LINGO1: variants seen among roughly 807,000 people sequenced by gnomAD.
LINGO1 encodes the protein leucine rich repeat and Ig domain containing 1.
In LINGO1, 11 loss-of-function variants were observed where a neutral mutation model predicts 37.3. The observed-to-expected ratio is 0.29, with a 90% CI of 0.19 to 0.49. The LOEUF (loss-of-function observed/expected upper bound fraction) is 0.49. Ranked by LOEUF, LINGO1 falls within the 20% of genes least tolerant of loss-of-function variation. The probability of loss-of-function intolerance (pLI) is 0.99; values close to 1 mark genes in which losing one functional copy is unlikely to be tolerated. For synonymous variants in LINGO1, 387 were observed against 403.0 expected, an observed-to-expected ratio of 0.96 and a Z score of 0.48; for missense variants, 585 against 878.2, an observed-to-expected ratio of 0.67 and a Z score of 4.22.
chr15:77,768,318 G>A (rs376950749), intron 1 of LINGO1, among the ~76,000 whole-genome samples: 13 of 152,282 alleles, frequency 8.5e-5, no homozygotes, highest in African/African-American at 2.4e-4. Flanking sequence ...CCTGATTAGC[G>A]CCTCCTGAAG....
intron 1 of LINGO1, among the ~76,000 whole-genome samples, chr15:77,770,665 A>G (rs555617550): frequency 1.3e-5 from 2 of 151,220 alleles, no homozygotes; most frequent in African/African-American, 4.9e-5. Flanking sequence ...GCCTCACTCC[A>G]CGAAGAGGGG....
intron 1 of LINGO1, among the ~76,000 whole-genome samples, chr15:77,761,262 T>C (rs1010542002): frequency 2.6e-5 from 4 of 152,026 alleles, no homozygotes; most frequent in Admixed American, 2.6e-4. Flanking sequence ...ATCTTTCTAT[T>C]AAACCAAAAA....
chr15:77,748,162 T>TAGAAACCCA (rs2076333766), intron 1 of LINGO1, among the ~76,000 whole-genome samples: 1 of 152,106 alleles, frequency 6.6e-6, no homozygotes. Flanking sequence ...CCCCAGCGGG[T>TAGAAACCCA]GTGAACACCA....
intron 2 of LINGO1, among the ~76,000 whole-genome samples, chr15:77,685,691 T>TGAAA (rs370764060): frequency 7.3e-6 from 1 of 137,708 alleles, no homozygotes; most frequent in African/African-American, 2.7e-5. Flanking sequence ...GACCCCGTCT[T>TGAAA]AAAAAAAAAA....
chr15:77,684,399 GA>G (rs1407198807), intron 2 of LINGO1, among the ~76,000 whole-genome samples: 1 of 152,194 alleles, frequency 6.6e-6, no homozygotes, highest in Non-Finnish European at 1.5e-5. Flanking sequence ...GGGGTAAGTG[GA>G]CCTAGGCAGA....
Position 77,632,478 on chromosome 15 carries a change from G to C in LINGO1, c.-163C>G. The C allele has an allele frequency of 1.5e-6, 1 of 662,452 alleles. No homozygotes were observed. Among genetic ancestry groups the C allele is most frequent in the Middle Eastern group, 4.7e-4 (1 of 2,120 alleles). The allele number at this position is 662,452 out of a possible 1,614,324, so 41.0% of individuals were successfully genotyped here. A position where few individuals can be genotyped will look rare whatever the true frequency, so the allele number is the denominator to read the frequency against. On this transcript the variant is annotated 5_prime_UTR_variant, in exon 1 of 2. Transcript: ENST00000355300. The surrounding 1 kb of genome is among the most constrained non-coding windows in gnomAD (Gnocchi z 6.0). ...CCCTCGCGGGGCTGGCTGTCCGTCT[G>C]TCCGCCCCGCGCGGGCGGGAGCCGA...
intron 2 of LINGO1, among the ~76,000 whole-genome samples, chr15:77,720,184 C>T (rs1221584168): frequency 7.4e-6 from 1 of 135,696 alleles, no homozygotes; most frequent in Non-Finnish European, 1.7e-5. Flanking sequence ...GCCCTGACAC[C>T]TCAGTCCCCC....
intron 3 of LINGO1, among the ~76,000 whole-genome samples, chr15:77,659,256 C>T (rs1040250895): frequency 2.6e-5 from 4 of 152,156 alleles, no homozygotes; most frequent in Admixed American, 1.3e-4. Flanking sequence ...GTCCCCAGAA[C>T]ACCATGCACC....
intron 1 of LINGO1, among the ~76,000 whole-genome samples, chr15:77,741,937 G>A (rs1389617963): frequency 6.6e-6 from 1 of 152,226 alleles, no homozygotes. Context: ...GGTTCAGATG[G>A]AGAGAAAGAG....
At chr15:77,724,606 T>G (rs77482274) in intron 2 of LINGO1, among the ~76,000 whole-genome samples, 301 of 152,304 alleles carry the variant, frequency 2.0e-3, no homozygotes, top group African/African-American at 7.1e-3. Context: ...AGTTTCCTCA[T>G]CTGTGAAGTG....
chr15:77,804,136 A>T (rs567966020), intron 1 of LINGO1, among the ~76,000 whole-genome samples: 1 of 152,162 alleles, frequency 6.6e-6, no homozygotes, highest in South Asian at 2.1e-4. Context: ...GTGAGCCCCA[A>T]AACTGCACAA....
chr15:77,730,108 C>G (rs1217095451), intron 2 of LINGO1, among the ~76,000 whole-genome samples: 1 of 151,876 alleles, frequency 6.6e-6, no homozygotes, highest in East Asian at 1.9e-4. Flanking sequence ...GAAGCAGGCC[C>G]CAGCCCTGTC....
At chr15:77,761,765 T>C (rs1324696413) in intron 1 of LINGO1, among the ~76,000 whole-genome samples, 2 of 152,226 alleles carry the variant, frequency 1.3e-5, no homozygotes, top group Non-Finnish European at 2.9e-5. Flanking sequence ...TAGGTGTCTG[T>C]AGCCTCTCTG....
chr15:77,724,338 G>A (rs185176848), intron 2 of LINGO1, among the ~76,000 whole-genome samples: 177 of 152,362 alleles, frequency 1.2e-3, no homozygotes, highest in Middle Eastern at 3.4e-3. Flanking sequence ...GGAGGGTGGC[G>A]TGAGCCAGGC....
At chr15:77,678,554 C>T (rs2075364903) in intron 2 of LINGO1, among the ~76,000 whole-genome samples, 1 of 152,162 alleles carries the variant, frequency 6.6e-6, no homozygotes, top group African/African-American at 2.4e-5. Context: ...CGTTGTTTAT[C>T]CATTCAGCAG....
At chr15:77,774,167 G>A (rs746584656) in intron 1 of LINGO1, among the ~76,000 whole-genome samples, 4 of 152,104 alleles carry the variant, frequency 2.6e-5, no homozygotes, top group Non-Finnish European at 4.4e-5. Context: ...AGGTGTGGGG[G>A]CACAGCCTAG....
At chr15:77,805,010 G>T (rs1445238000) in intron 1 of LINGO1, among the ~76,000 whole-genome samples, 2 of 152,216 alleles carry the variant, frequency 1.3e-5, no homozygotes, top group Non-Finnish European at 2.9e-5. Context: ...CCCTCCAGGG[G>T]CCTCCCTCGG....
chr15:77,756,900 G>A (rs1486051784), intron 1 of LINGO1, among the ~76,000 whole-genome samples: 1 of 152,174 alleles, frequency 6.6e-6, no homozygotes, highest in Non-Finnish European at 1.5e-5. Flanking sequence ...ACTCATCCAT[G>A]TTCACACACT....
chr15:77,743,305 C>A (rs1485935051), intron 1 of LINGO1, among the ~76,000 whole-genome samples: 1 of 152,120 alleles, frequency 6.6e-6, no homozygotes, highest in Admixed American at 6.5e-5. Flanking sequence ...TCTCCAGGGG[C>A]AGGGCAGAGG....
Sources: allele counts gnomAD v4.1 joint callset (sites outside exome capture counted in the v4.1 genomes callset), GRCh38; gene constraint gnomAD v4.1.1; non-coding constraint Gnocchi (gnomAD v3.1); transcripts MANE v1.5; gene names NCBI Gene and HGNC (gene_info 2026-07-23, HGNC 2026-07-21).